The following GABBR2 variants were observed in gnomAD, a reference collection of about 807,000 sequenced individuals.
The protein encoded by GABBR2 is G-protein coupled receptor 51.
In GABBR2, 23 loss-of-function variants were observed where a neutral mutation model predicts 105.6. The ratio of observed to expected loss-of-function variants is 0.22; its 90% CI spans 0.16 to 0.31. The LOEUF (loss-of-function observed/expected upper bound fraction) is 0.31. Ranked by LOEUF, GABBR2 falls within the 10% of genes least tolerant of loss-of-function variation. The pLI is 1.00. For missense variants in GABBR2, 734 were observed against 1,245.5 expected (o/e 0.59, Z 6.18); for synonymous variants, 478 against 499.7 (o/e 0.96, Z 0.58).
intron 6 of GABBR2, among the ~76,000 whole-genome samples, chr9:98,463,951 G>A (rs1156605832): frequency 6.6e-6 from 1 of 152,156 alleles, no homozygotes. Context: ...TGTTGCCCAA[G>A]CTGGAGTGCA....
chr9:98,581,616 C>G (rs1476111594), intron 1 of GABBR2, among the ~76,000 whole-genome samples: 1 of 151,952 alleles, frequency 6.6e-6, no homozygotes, highest in Non-Finnish European at 1.5e-5. Context: ...ACTTCTCACC[C>G]CCAACAGAGC....
At chr9:98,477,862 T>C (rs1279606377) in intron 5 of GABBR2, among the ~76,000 whole-genome samples, 1 of 152,172 alleles carries the variant, frequency 6.6e-6, no homozygotes, top group Non-Finnish European at 1.5e-5. Context: ...GGTGGCCTCA[T>C]TTAAGCCTCT....
At chr9:98,381,086 T>C (rs976663239) in intron 11 of GABBR2, among the ~76,000 whole-genome samples, 7 of 152,214 alleles carry the variant, frequency 4.6e-5, no homozygotes, top group African/African-American at 1.7e-4. Context: ...GTGACGAGGA[T>C]GCAAGGTGAC....
intron 14 of GABBR2, among the ~76,000 whole-genome samples, chr9:98,309,514 G>A (rs1051759209): frequency 2.0e-5 from 3 of 152,200 alleles, no homozygotes; most frequent in African/African-American, 7.2e-5. Context: ...TGGCATCTAT[G>A]GACAGGGCTG....
intron 2 of GABBR2, among the ~76,000 whole-genome samples, chr9:98,566,670 G>A (rs186593841): frequency 1.1e-3 from 160 of 151,788 alleles, no homozygotes; most frequent in African/African-American, 2.3e-3. Context: ...CTGAGACTCC[G>A]TCTCAAAAAG....
intron 1 of GABBR2, among the ~76,000 whole-genome samples, chr9:98,673,744 A>G (rs1830435814): frequency 6.6e-6 from 1 of 152,196 alleles, no homozygotes; most frequent in Non-Finnish European, 1.5e-5. Context: ...TAAACGGGGC[A>G]TAACAGAGCA....
intron 1 of GABBR2, among the ~76,000 whole-genome samples, chr9:98,615,574 G>C (rs1181248271): frequency 1.3e-5 from 2 of 152,138 alleles, no homozygotes; most frequent in East Asian, 3.9e-4. Context: ...GCTTCCAGAA[G>C]AGTCCAACAA....
chr9:98,653,191 GTCTC>G (rs1388814467), intron 1 of GABBR2, among the ~76,000 whole-genome samples: 1 of 152,060 alleles, frequency 6.6e-6, no homozygotes, highest in Non-Finnish European at 1.5e-5. Flanking sequence ...TAGAGATGAA[GTCTC>G]TCTATGTTAC....
In GABBR2 at chr9:98,396,573, C is replaced by T. The variant is rs528903651; in HGVS notation, c.1298-2318G>A. Among the ~76,000 whole-genome samples, 13 of 152,320 alleles carry T rather than the reference C, an allele frequency of 8.5e-5. No individual in the cohort carries two copies. In the East Asian group the frequency reaches 1.2e-3, roughly 14 times the overall value. The stretch of plus-strand genomic sequence containing the variant: ...GCGGCTGTTGCTTACCTGGGTCACC[C>T]GGCCCCTAAATGTCACATTAGCAGA... On this transcript the variant is annotated intron_variant, in intron 8 of 18. Coordinates refer to ENST00000259455, the MANE Select transcript of GABBR2 (RefSeq NM_005458.8).
chr9:98,493,703 C>G (rs189660080), intron 4 of GABBR2, among the ~76,000 whole-genome samples: 1 of 152,344 alleles, frequency 6.6e-6, no homozygotes, highest in East Asian at 1.9e-4. Context: ...ACTTGCTTTT[C>G]CTCTGAGATT....
At position 98,290,675 on chromosome 9, in the gene GABBR2, G is replaced by A. The variant is rs777894206; in HGVS notation, c.2735C>T (p.Ala912Val). Residue 912 changes from alanine (A) to valine (V), a missense_variant, in exon 19 of 19, where the codon GCC (alanine) becomes GTC (valine). Ala to Val is a moderately conservative substitution (Grantham distance 64). Coordinates refer to ENST00000259455, the MANE Select transcript of GABBR2 (RefSeq NM_005458.8). ...GCTGACGCAGGGGCTGACACAGCTG[G>A]CGTCCACGCCTCCGATGGATGGGAG... Reference protein sequence around the residue: ...AYLPSIGGVDASCVSPCVSPT... With the variant: ...AYLPSIGGVDVSCVSPCVSPT... The A allele has an allele frequency of 6.8e-7, 1 of 1,479,190 alleles. No individual in the cohort carries two copies. The highest frequency in any genetic ancestry group is 1.5e-5 in the South Asian group (1 of 67,042). 91.6% of individuals were successfully genotyped at this position (1,479,190 alleles called of 1,614,324 possible).
intron 7 of GABBR2, among the ~76,000 whole-genome samples, chr9:98,420,759 G>C (rs1180747125): frequency 1.3e-5 from 2 of 152,230 alleles, no homozygotes; most frequent in African/African-American, 4.8e-5. Flanking sequence ...CAAAAGGGAA[G>C]GTTGGGGATG....
intron 7 of GABBR2, among the ~76,000 whole-genome samples, chr9:98,413,347 G>A (rs1832622702): frequency 6.6e-6 from 1 of 151,902 alleles, no homozygotes; most frequent in African/African-American, 2.4e-5. Context: ...GCTTGAAGGA[G>A]AAGGTGCCCT....
chr9:98,328,542 G>T (rs1037314774), intron 13 of GABBR2, among the ~76,000 whole-genome samples: 1 of 152,170 alleles, frequency 6.6e-6, no homozygotes, highest in Non-Finnish European at 1.5e-5. Flanking sequence ...CAGAACCAAA[G>T]ATATCAATGT....
At chr9:98,390,375 C>CAAAAAAGAAAAAAAAAAAA (rs1832157760) in intron 9 of GABBR2, among the ~76,000 whole-genome samples, 1 of 32,444 alleles carries the variant, frequency 3.1e-5, no homozygotes, top group African/African-American at 1.0e-4. Flanking sequence ...CTCCATCTCA[C>CAAAAAAGAAAAAAAAAAAA]AAAAAAAAAA....
At chr9:98,395,310 A>C (rs979805759) in intron 8 of GABBR2, among the ~76,000 whole-genome samples, 5 of 152,096 alleles carry the variant, frequency 3.3e-5, no homozygotes, top group Non-Finnish European at 5.9e-5. Context: ...CTTCAAATAC[A>C]AGGGGAAGAA....
chr9:98,466,726 G>A (rs1430149395), intron 6 of GABBR2, among the ~76,000 whole-genome samples: 2 of 152,154 alleles, frequency 1.3e-5, no homozygotes, highest in African/African-American at 4.8e-5. Flanking sequence ...TAAATGACTT[G>A]CACAACATCA....
chr9:98,551,236 C>T (rs541421873), intron 2 of GABBR2, among the ~76,000 whole-genome samples: 12 of 152,208 alleles, frequency 7.9e-5, no homozygotes, highest in African/African-American at 2.9e-4. Flanking sequence ...AACCCTGTCT[C>T]TACTAAAAAT....
At chr9:98,473,991 C>T (rs1826739404) in intron 5 of GABBR2, among the ~76,000 whole-genome samples, 1 of 152,142 alleles carries the variant, frequency 6.6e-6, no homozygotes, top group Non-Finnish European at 1.5e-5. Context: ...TATAAGATGC[C>T]ACTTGGCAAA....
Sources: gnomAD v4.1 joint callset for allele counts (sites outside exome capture counted in the v4.1 genomes callset) on GRCh38, gnomAD v4.1.1 for gene constraint, MANE v1.5 for transcripts, NCBI Gene and HGNC (gene_info 2026-07-23, HGNC 2026-07-21) for gene names.